The following ADAM12 variants were observed in gnomAD, a reference collection of about 807,000 sequenced individuals.
ADAM12 encodes the protein ADAM metallopeptidase domain 12.
ADAM12 carries 70 observed loss-of-function variants against 106.4 expected under a neutral mutation model. That is an observed-to-expected ratio of 0.66 (90% CI 0.54 to 0.80). The LOEUF is 0.80. ADAM12 is among the 30% of genes least tolerant of loss of function. The pLI is 0.00. For synonymous variants in ADAM12, 420 were observed against 433.5 expected (o/e 0.97, Z 0.39); for missense variants, 1,010 against 1,171.9 (o/e 0.86, Z 2.02).
chr10:126,271,286 A>T (rs915463166), intron 3 of ADAM12, among the ~76,000 whole-genome samples: 1 of 152,126 alleles, frequency 6.6e-6, no homozygotes, highest in African/African-American at 2.4e-5. Context: ...CCTTTCCATG[A>T]TCCCACACAT....
At position 126,118,159 on chromosome 10, in the gene ADAM12, T is replaced by G. The variant is rs556390427; in HGVS notation, c.482A>C (p.Tyr161Ser). 2.5e-6 allele frequency: 4 copies of G among 1,614,198 alleles called. No individual in the cohort carries two copies. The South Asian group carries it at 4.4e-5, about 18-fold the overall frequency. The change falls in exon 6 of 23, where the codon TAC (tyrosine) becomes TCC (serine). Residue 161 changes from tyrosine to serine, a missense_variant. By Grantham distance (144) the Tyr-to-Ser change is moderately radical. Transcript: ENST00000448723. ...CAGCTTCTTCGCTGGGAAGAGTTTG[T>G]ATCTGTTGGTTGCACTTTTCATTGG... ...LEPMKSATNRYKLFPAKKLKS... is the reference protein window; with the variant it reads ...LEPMKSATNRSKLFPAKKLKS...
intron 14 of ADAM12, among the ~76,000 whole-genome samples, chr10:126,056,626 T>TATC (rs1158928932): frequency 9.6e-6 from 1 of 104,098 alleles, no homozygotes; most frequent in Non-Finnish European, 2.2e-5. Context: ...TGCTTACTCT[T>TATC]GAGTGTGATA....
intron 11 of ADAM12, among the ~76,000 whole-genome samples, chr10:126,088,022 C>A (rs1348717050): frequency 6.6e-6 from 1 of 152,180 alleles, no homozygotes; most frequent in Non-Finnish European, 1.5e-5. Flanking sequence ...CCTCTTCTAA[C>A]CTTTGCTCCC....
At chr10:126,089,548 A>G (rs1233923116) in intron 11 of ADAM12, among the ~76,000 whole-genome samples, 1 of 152,192 alleles carries the variant, frequency 6.6e-6, no homozygotes, top group African/African-American at 2.4e-5. Flanking sequence ...TGGTCTTCTT[A>G]AAAATGAGGA....
intron 11 of ADAM12, among the ~76,000 whole-genome samples, chr10:126,079,361 C>G (rs139641834): frequency 6.6e-6 from 1 of 152,066 alleles, no homozygotes; most frequent in African/African-American, 2.4e-5. Context: ...CTGCCAACCA[C>G]GAATCTGCTT....
intron 1 of ADAM12, among the ~76,000 whole-genome samples, chr10:126,383,124 T>C (rs1482585861): frequency 1.3e-5 from 2 of 151,910 alleles, no homozygotes; most frequent in Non-Finnish European, 2.9e-5. Flanking sequence ...TTTTAAAAAT[T>C]TTTTGTTGAG....
chr10:126,347,596 G>C (rs1212931282), intron 1 of ADAM12, among the ~76,000 whole-genome samples: 1 of 152,170 alleles, frequency 6.6e-6, no homozygotes, highest in African/African-American at 2.4e-5. Flanking sequence ...TCATTATAAA[G>C]AGAAAGCCCT....
At chr10:126,117,248 G>C (rs1408785579) in intron 6 of ADAM12, among the ~76,000 whole-genome samples, 2 of 152,184 alleles carry the variant, frequency 1.3e-5, no homozygotes, top group Non-Finnish European at 2.9e-5. Context: ...GAGAGAAAAG[G>C]GGCAGGCCAC....
In ADAM12 at chr10:126,278,940, G is replaced by C; in HGVS notation, c.235C>G (p.Leu79Val). ...NIRLQRESKE[L>V]IINLERNEGL... The stretch of plus-strand genomic sequence containing the variant: ...TCATTTCTTTCCAGATTTATGATCA[G>C]TTCTTTGCTTTCCCGTTGTAGTCGA... The change falls in exon 3 of 23, where the codon CTG (leucine) becomes GTG (valine). Residue 79 changes from leucine to valine, a missense_variant. Around this residue, in one of 3 missense-constraint regions of ADAM12, gnomAD observed 391 missense variants for 442.9 expected, o/e 0.88. Transcript: ENST00000448723. The C allele has an allele frequency of 6.2e-7, 1 of 1,612,594 alleles. No homozygotes were observed. Among genetic ancestry groups the C allele is most frequent in the Non-Finnish European group, 8.5e-7 (1 of 1,178,866 alleles).
At chr10:126,028,317 A>G (rs1446310374) in intron 21 of ADAM12, among the ~76,000 whole-genome samples, 2 of 152,158 alleles carry the variant, frequency 1.3e-5, no homozygotes, top group Non-Finnish European at 2.9e-5. Flanking sequence ...AGAAAAAACT[A>G]AAAATTCATA....
intron 3 of ADAM12, among the ~76,000 whole-genome samples, chr10:126,213,905 C>T (rs1957942671): frequency 6.6e-6 from 1 of 152,144 alleles, no homozygotes; most frequent in African/African-American, 2.4e-5. Flanking sequence ...AAGCAAGTTC[C>T]TTCTATTAGA....
At position 126,367,963 on chromosome 10, in the gene ADAM12, TATA is replaced by T. The variant is rs536765691; in HGVS notation, c.88+20092_88+20094del. On this transcript the variant is annotated intron_variant, in intron 1 of 22. Transcript: ENST00000448723. ...CCCTGATACCAAAACTAGACAATAA[TATA>T]ATAAGAAAAATAGCACTATCTCTTA... Among the ~76,000 whole-genome samples the T allele has an allele frequency of 2.5e-3, 382 of 151,840 alleles. 3 individuals are homozygous for T. Among genetic ancestry groups the T allele is most frequent in the Middle Eastern group, 0.01 (3 of 292 alleles).
chr10:126,067,023 C>T, intron 12 of ADAM12: 1 of 521,160 alleles, frequency 1.9e-6, no homozygotes, highest in Non-Finnish European at 3.5e-6. Flanking sequence ...GCCAGTAGCA[C>T]ACAAGTGCCC....
intron 3 of ADAM12, among the ~76,000 whole-genome samples, chr10:126,238,165 C>A (rs758172087): frequency 6.6e-6 from 1 of 152,174 alleles, no homozygotes; most frequent in Admixed American, 6.5e-5. Context: ...TCCTTCAAAA[C>A]GCTTCCTACA....
At chr10:126,087,441 T>C (rs1955380107) in intron 11 of ADAM12, among the ~76,000 whole-genome samples, 1 of 152,184 alleles carries the variant, frequency 6.6e-6, no homozygotes, top group South Asian at 2.1e-4. Context: ...CTAGTAGTGT[T>C]TTCATCTTAC....
rs1169187355 is a variant in ADAM12 at position 126,255,890 on chromosome 10, C to A, written c.260+23025G>T. 3.3e-5 allele frequency among the ~76,000 whole-genome samples: 5 copies of A among 152,308 alleles called. No individual in the cohort carries two copies. In the Middle Eastern group the frequency reaches 0.014, roughly 414 times the overall value. On this transcript the variant is annotated intron_variant, in intron 3 of 22. Coordinates refer to ENST00000448723, the MANE Select transcript of ADAM12 (RefSeq NM_001288973.2). ...TCCCTCGCCTCTACCGGAGCCAGAT[C>A]CAGCTAGTGCAGGCTGTCCAAGGGC...
intron 3 of ADAM12, among the ~76,000 whole-genome samples, chr10:126,202,228 T>C (rs12416625): frequency 0.068 from 10,428 of 152,346 alleles, 619 homozygotes; most frequent in East Asian, 0.19. Context: ...TGGAAAACTT[T>C]TGCTTTATTT....
chr10:126,211,764 G>C (rs1957905954), intron 3 of ADAM12, among the ~76,000 whole-genome samples: 1 of 152,230 alleles, frequency 6.6e-6, no homozygotes, highest in Non-Finnish European at 1.5e-5. Flanking sequence ...CCTGAACCAT[G>C]TGATGCTGGA....
At chr10:126,298,350 G>A (rs970928567) in intron 2 of ADAM12, among the ~76,000 whole-genome samples, 2 of 152,180 alleles carry the variant, frequency 1.3e-5, no homozygotes, top group African/African-American at 2.4e-5. Context: ...AAAGTCAGCA[G>A]AGAACTAGAG....
Sources: allele counts gnomAD v4.1 joint callset (sites outside exome capture counted in the v4.1 genomes callset), GRCh38; gene constraint gnomAD v4.1.1; regional missense constraint gnomAD v4.1.1; transcripts MANE v1.5; gene names NCBI Gene and HGNC (gene_info 2026-07-23, HGNC 2026-07-21).